The following MEF2D variants were observed in gnomAD, a reference collection of about 807,000 sequenced individuals.
The protein encoded by MEF2D is myocyte enhancer factor 2D.
MEF2D carries 10 observed loss-of-function variants against 59.3 expected under a neutral mutation model. That is an observed-to-expected ratio of 0.17 (90% CI 0.10 to 0.29). MEF2D has a LOEUF of 0.29. MEF2D is among the 10% of genes least tolerant of loss of function. MEF2D has a pLI of 1.00. For missense variants in MEF2D, 508 were observed against 699.4 expected (o/e 0.73, Z 3.09); for synonymous variants, 305 against 295.0 (o/e 1.03, Z -0.35).
At position 156,479,686 on chromosome 1, in the gene MEF2D, C is replaced by T; in HGVS notation, c.507G>A (p.Val169=). The T allele has an allele frequency of 6.4e-7, 1 of 1,551,712 alleles. No individual in the cohort carries two copies. The highest frequency in any genetic ancestry group is 8.7e-7 in the Non-Finnish European group (1 of 1,147,010). ...PSGSLVTPSL[V]TSSLTDPRLL... is the part of the protein sequence containing the mutation. ...GCCGCGGGTCCGTGAGGGATGATGT[C>T]ACCAGGGAAGGGGTGACCAGGGAGC... The change falls in exon 5 of 12, where the codon GTG becomes GTA. Residue 169 remains valine, a synonymous_variant. Transcript: ENST00000348159.
intron 1 of MEF2D, among the ~76,000 whole-genome samples, chr1:156,487,160 A>T (rs1332265589): frequency 6.6e-6 from 1 of 152,166 alleles, no homozygotes; most frequent in Admixed American, 6.5e-5. Context: ...TCCCTGGCTG[A>T]TCTCCTACAC....
Position 156,468,376 on chromosome 1 carries a change from C to G in MEF2D, c.1248-77G>C, listed in dbSNP as rs1390792376. 3.8e-5 allele frequency: 42 copies of G among 1,093,688 alleles called. No individual in the cohort carries two copies. Among genetic ancestry groups the G allele is most frequent in the Non-Finnish European group, 5.0e-5 (38 of 763,084 alleles). 67.7% of individuals were successfully genotyped at this position (1,093,688 alleles called of 1,614,324 possible). A position where few individuals can be genotyped will look rare whatever the true frequency, so the allele number is the denominator to read the frequency against. ...AGTGACAGAACAAGTGATAGGACAC[C>G]AGACAGAAAGTGAGAGAGAACAAGA... On this transcript the variant is annotated intron_variant, in intron 10 of 11. Coordinates refer to ENST00000348159, the MANE Select transcript of MEF2D (RefSeq NM_005920.4). The surrounding 1 kb of genome is among the most constrained non-coding windows in gnomAD (Gnocchi z 4.3).
intron 6 of MEF2D, 68 bp from the exon 7 acceptor site, chr1:156,477,270 C>T: frequency 7.3e-7 from 1 of 1,368,262 alleles, no homozygotes; most frequent in Non-Finnish European, 1.0e-6. Flanking sequence ...ATTAACTTCC[C>T]CACACCAATA....
At position 156,475,122 on chromosome 1, in the gene MEF2D, G is replaced by C. The variant is rs915416152; in HGVS notation, c.992C>G (p.Thr331Ser). The C allele has an allele frequency of 6.2e-7, 1 of 1,614,236 alleles. No homozygotes were observed. Among genetic ancestry groups the C allele is most frequent in the Non-Finnish European group, 8.5e-7 (1 of 1,180,024 alleles). ...TGAACACTCACCTGTGTTGTAGGCA[G>C]TGGGCATGGAAGAGAAGGGGAGGCC... ...SQGLPFSSMP[T>S]AYNTDYQLTS... The change falls in exon 9 of 12, where the codon ACT (threonine) becomes AGT (serine). Residue 331 changes from threonine (T) to serine (S), a missense_variant. Physicochemically the swap from Thr to Ser is moderately conservative, Grantham distance 58. This residue lies in a region of MEF2D where 481 missense variants were observed against 584.7 expected (regional missense o/e 0.82). Transcript: ENST00000348159.
At position 156,480,865 on chromosome 1, in the gene MEF2D, T is replaced by A; in HGVS notation, c.365A>T (p.Glu122Val). Reference sequence around the variant, plus strand: ...GCGCCGGAAGAGCCCGTCGAGCTCCTCGCTGGCGCGTCGGTACTTGTCCTC... The same window carrying A: ...GCGCCGGAAGAGCCCGTCGAGCTCCACGCTGGCGCGTCGGTACTTGTCCTC... ...LLEDKYRRAS[E>V]ELDGLFRRYG... Residue 122 changes from glutamate to valine, a missense_variant, in exon 4 of 12, where the codon GAG (glutamate) becomes GTG (valine). Around this residue, in one of 2 missense-constraint regions of MEF2D, gnomAD observed 481 missense variants for 584.7 expected, o/e 0.82. Coordinates refer to ENST00000348159, the MANE Select transcript of MEF2D (RefSeq NM_005920.4). 1.2e-6 allele frequency: 2 copies of A among 1,602,738 alleles called. No homozygotes were observed. Among genetic ancestry groups the A allele is most frequent in the Non-Finnish European group, 1.7e-6 (2 of 1,174,800 alleles).
chr1:156,483,197 C>A (rs767705683), intron 2 of MEF2D, 42 bp downstream of exon 2: 2 of 1,606,112 alleles, frequency 1.2e-6, no homozygotes, highest in Non-Finnish European at 1.7e-6. Flanking sequence ...GAGGCCTGCT[C>A]CCTGCCCTCA....
At chr1:156,471,717 C>T (rs913042858) in intron 9 of MEF2D, among the ~76,000 whole-genome samples, 1 of 152,228 alleles carries the variant, frequency 6.6e-6, no homozygotes, top group Non-Finnish European at 1.5e-5. Context: ...TTACCATAGC[C>T]CGATTACCCC....
chr1:156,471,792 C>G (rs1365085351), intron 9 of MEF2D, among the ~76,000 whole-genome samples: 1 of 152,244 alleles, frequency 6.6e-6, no homozygotes, highest in Non-Finnish European at 1.5e-5. Context: ...AATGTGTTCA[C>G]TGGGGTTTTG....
rs754462966 is a variant in MEF2D, at chr1:156,479,671, C to G, written c.522G>C (p.Thr174=). The change falls in exon 5 of 12, where the codon ACG becomes ACC. Residue 174 remains threonine (T), a synonymous_variant. Coordinates refer to ENST00000348159, the MANE Select transcript of MEF2D (RefSeq NM_005920.4). The part of the protein sequence containing the change: ...VTPSLVTSSL[T]DPRLLSPQQP... ...GCTGGGGGGACAGGAGCCGCGGGTC[C>G]GTGAGGGATGATGTCACCAGGGAAG... 1.3e-6 allele frequency: 2 copies of G among 1,551,726 alleles called. No individual in the cohort carries two copies. Among genetic ancestry groups the G allele is most frequent in the African/African-American group, 1.4e-5 (1 of 73,036 alleles).
chr1:156,492,905 G>A lies in MEF2D; in HGVS notation c.-139+7581C>T, dbSNP rs374899255. On this transcript the variant is annotated intron_variant, in intron 1 of 11. Transcript: ENST00000348159. Reference sequence around the variant, plus strand: ...ATTGCAGCGGGTGGGCTAATGGTTAGATCAGGGGAGGGACTTCCCATGGAA... The same window carrying A: ...ATTGCAGCGGGTGGGCTAATGGTTAAATCAGGGGAGGGACTTCCCATGGAA... Among the ~76,000 whole-genome samples, 59 of 152,354 alleles carry A rather than the reference G, an allele frequency of 3.9e-4. 1 individual carries two copies. In the South Asian group the frequency reaches 0.012, roughly 31 times the overall value.
Position 156,468,081 on chromosome 1 carries a change from T to TC in MEF2D, c.1465dup (p.Asp489GlyfsTer16). 2 of 1,613,866 alleles carry TC rather than the reference T, an allele frequency of 1.2e-6. No homozygotes were observed. Among genetic ancestry groups the TC allele is most frequent in the Non-Finnish European group, 1.7e-6 (2 of 1,179,942 alleles). On this transcript the variant is annotated frameshift_variant, in exon 11 of 12. Coordinates refer to ENST00000348159, the MANE Select transcript of MEF2D (RefSeq NM_005920.4). LOFTEE classifies it high-confidence loss of function. This position sits in a 1 kb window ranked among gnomAD's most constrained non-coding sequence, Gnocchi z 4.3. ...CAGCAGGCCCAGTGTGGGCCCGAAG[T>TC]CCCCCCGTCCGTCATCCCGGTCTCC...
At chr1:156,497,419 T>A (rs1673193715) in intron 1 of MEF2D, among the ~76,000 whole-genome samples, 1 of 152,188 alleles carries the variant, frequency 6.6e-6, no homozygotes. Flanking sequence ...CATGGTCCCG[T>A]GGGATGGGGA....
In MEF2D at chr1:156,483,472, C is replaced by T. The variant is rs1672156475; in HGVS notation, c.-138-42G>A. ...ATGAGAGGTCTCTGAGCCCCCAAAA[C>T]CCCCAGCCCTGCTCCCTGGGCACAC... On this transcript the variant is annotated intron_variant, in intron 1 of 11. Transcript: ENST00000348159. 6.5e-6 allele frequency: 4 copies of T among 617,868 alleles called. No individual in the cohort carries two copies. The Admixed American group carries it at 1.2e-4, about 18-fold the overall frequency. The allele number at this position is 617,868 out of a possible 1,614,324, so 38.3% of individuals were successfully genotyped here.
At chr1:156,483,197 C>T (rs767705683) in intron 2 of MEF2D, 42 bp downstream of exon 2, 1 of 1,606,112 alleles carries the variant, frequency 6.2e-7, no homozygotes, top group South Asian at 1.1e-5. Flanking sequence ...GAGGCCTGCT[C>T]CCTGCCCTCA....
chr1:156,483,655 T>C (rs1310149845), intron 1 of MEF2D, among the ~76,000 whole-genome samples: 1 of 152,216 alleles, frequency 6.6e-6, no homozygotes, highest in Non-Finnish European at 1.5e-5. Flanking sequence ...GTCACTGCTG[T>C]CCTCAGGCTC....
At chr1:156,470,860 A>G (rs1671196268) in intron 9 of MEF2D, among the ~76,000 whole-genome samples, 1 of 152,216 alleles carries the variant, frequency 6.6e-6, no homozygotes, top group Non-Finnish European at 1.5e-5. Flanking sequence ...TGCAGCCTCA[A>G]GTTTGAGGAA....
At chr1:156,480,319 C>G (rs150690384) in intron 4 of MEF2D, among the ~76,000 whole-genome samples, 89 of 152,274 alleles carry the variant, frequency 5.8e-4, no homozygotes, top group African/African-American at 2.0e-3. Flanking sequence ...GTTGGGCTAT[C>G]AGAGCAAGCC....
At chr1:156,481,998 G>A (rs183617526) in intron 3 of MEF2D, among the ~76,000 whole-genome samples, 2 of 152,292 alleles carry the variant, frequency 1.3e-5, no homozygotes, top group East Asian at 1.9e-4. Context: ...TAGAACTACC[G>A]GGCCCACAAA....
chr1:156,487,262 C>T (rs774945155), intron 1 of MEF2D, among the ~76,000 whole-genome samples: 1 of 152,216 alleles, frequency 6.6e-6, no homozygotes, highest in Non-Finnish European at 1.5e-5. Flanking sequence ...ATTCACTGAG[C>T]ATCGTCTGAC....
Sources: gnomAD v4.1 joint callset for allele counts (sites outside exome capture counted in the v4.1 genomes callset) on GRCh38, gnomAD v4.1.1 for gene constraint, gnomAD v4.1.1 regional missense constraint, Gnocchi (gnomAD v3.1) non-coding constraint, MANE v1.5 for transcripts, NCBI Gene and HGNC (gene_info 2026-07-23, HGNC 2026-07-21) for gene names.